The following ATL2 variants were observed in gnomAD, a reference collection of about 807,000 sequenced individuals.
ATL2 encodes atlastin GTPase 2.
A neutral mutation model predicts 73.9 loss-of-function variants in ATL2; 31 were observed. The ratio of observed to expected loss-of-function variants is 0.42; its 90% CI spans 0.32 to 0.57. ATL2 has a LOEUF of 0.57. Ranked by LOEUF, ATL2 falls within the 20% of genes least tolerant of loss-of-function variation. The pLI, the probability that ATL2 is intolerant of heterozygous loss-of-function variation, is 0.14. For missense variants in ATL2, 738 were observed against 702.6 expected (o/e 1.05, Z -0.57); for synonymous variants, 291 against 237.5 (o/e 1.23, Z -2.07).
intron 4 of ATL2, 73 bp from the exon 5 acceptor site, chr2:38,315,407 T>C (rs1324849594): frequency 1.4e-6 from 2 of 1,435,982 alleles, no homozygotes; most frequent in Non-Finnish European, 9.2e-7. Context: ...ATAACTTTAC[T>C]TGTGGAAAAA....
At chr2:38,359,178 G>A (rs1452404485) in intron 1 of ATL2, among the ~76,000 whole-genome samples, 1 of 152,160 alleles carries the variant, frequency 6.6e-6, no homozygotes, top group East Asian at 1.9e-4. Flanking sequence ...TTTTAAAAAT[G>A]CTTTAAAGAG....
intron 1 of ATL2, among the ~76,000 whole-genome samples, chr2:38,356,566 T>C (rs912221601): frequency 6.6e-6 from 1 of 152,202 alleles, no homozygotes; most frequent in Non-Finnish European, 1.5e-5. Context: ...ACTTAGACAC[T>C]AAATGCTTAT....
chr2:38,377,320 C>A (rs1361377763), upstream of ATL2: 1 of 1,442,408 alleles, frequency 6.9e-7, no homozygotes, highest in South Asian at 1.3e-5. Context: ...GCTTTATCAA[C>A]CTCCCGGGAG....
At chr2:38,310,536 G>A in intron 7 of ATL2, 89 bp from the exon 8 acceptor site, 1 of 1,147,820 alleles carries the variant, frequency 8.7e-7, no homozygotes, top group Non-Finnish European at 1.2e-6. Context: ...TGCACACTAT[G>A]CACACTTAAC....
intron 2 of ATL2, among the ~76,000 whole-genome samples, chr2:38,339,172 C>T (rs897170394): frequency 6.6e-6 from 1 of 152,044 alleles, no homozygotes; most frequent in Non-Finnish European, 1.5e-5. Context: ...GCCGAGACTG[C>T]GCTACTGCAC....
chr2:38,375,625 C>T (rs1450138099), intron 1 of ATL2, among the ~76,000 whole-genome samples: 3 of 151,980 alleles, frequency 2.0e-5, no homozygotes, highest in African/African-American at 7.2e-5. Flanking sequence ...AAACTCTTAC[C>T]TCAAAAAAAG....
At chr2:38,306,450 A>C (rs1421929261) in intron 9 of ATL2, among the ~76,000 whole-genome samples, 1 of 152,252 alleles carries the variant, frequency 6.6e-6, no homozygotes, top group African/African-American at 2.4e-5. Flanking sequence ...ATTACAGGCC[A>C]ATATCCCTGA....
chr2:38,325,661 TACACACACACACACACAC>T lies in ATL2; in HGVS notation c.364-6660_364-6643del, dbSNP rs562138786. Reference sequence around the variant, plus strand: ...ACACACACACACACACACACACCAGTACACACACACACACACACACACACACACACACACCAGTACACA... The same window carrying T: ...ACACACACACACACACACACACCAGTACACACACACACACACCAGTACACA... On this transcript the variant is annotated intron_variant, in intron 2 of 12. Transcript: ENST00000378954. Among the ~76,000 whole-genome samples, 11 of 41,696 alleles carry T rather than the reference TACACACACACACACACAC, an allele frequency of 2.6e-4. No individual in the cohort carries two copies. The East Asian group carries it at 5.7e-3, about 22-fold the overall frequency. The allele number at this position is 41,696 out of a possible 152,430, so 27.4% of individuals were successfully genotyped here. A position where few individuals can be genotyped will look rare whatever the true frequency, so the allele number is the denominator to read the frequency against.
rs562213942 is a variant in ATL2, at chr2:38,365,043, CA to C, written c.118+12099del. ...TGGGGTACAGAGCGAGACTCCGTCT[CA>C]AAAAAAAAAAAAAATTACTTTAAGA... On this transcript the variant is annotated intron_variant, in intron 1 of 12. Transcript: ENST00000378954. Among the ~76,000 whole-genome samples, 973 of 112,842 alleles carry C rather than the reference CA, an allele frequency of 8.6e-3. 16 individuals carry two copies. Among genetic ancestry groups the C allele is most frequent in the African/African-American group, 0.021 (729 of 34,908 alleles). 74.0% of individuals were successfully genotyped at this position (112,842 alleles called of 152,430 possible).
intron 2 of ATL2, among the ~76,000 whole-genome samples, chr2:38,326,796 T>C (rs368163223): frequency 2.0e-5 from 3 of 151,992 alleles, no homozygotes; most frequent in Admixed American, 6.6e-5. Flanking sequence ...GAGACCAGCC[T>C]GGTCAATACG....
intron 2 of ATL2, among the ~76,000 whole-genome samples, chr2:38,338,319 G>A (rs1304346684): frequency 7.2e-6 from 1 of 139,304 alleles, no homozygotes; most frequent in African/African-American, 3.1e-5. Context: ...GGAGAGGGAG[G>A]AAGAGGGCAA....
intron 2 of ATL2, among the ~76,000 whole-genome samples, chr2:38,325,994 G>C (rs1668640963): frequency 6.6e-6 from 1 of 151,584 alleles, no homozygotes; most frequent in Non-Finnish European, 1.5e-5. Flanking sequence ...AGTGGTGTCT[G>C]CCTGTAATCT....
intron 11 of ATL2, 66 bp downstream of exon 11, chr2:38,299,190 A>T (rs1005757362): frequency 1.5e-6 from 2 of 1,353,786 alleles, no homozygotes; most frequent in East Asian, 3.0e-5. Context: ...AAATTTTTTT[A>T]ATTTTTTTTT....
In ATL2 at chr2:38,309,501, C is replaced by T; in HGVS notation, c.949G>A (p.Asp317Asn). The T allele has an allele frequency of 6.2e-7, 1 of 1,608,990 alleles. No individual in the cohort carries two copies. The highest frequency in any genetic ancestry group is 8.5e-7 in the Non-Finnish European group (1 of 1,179,002). The change falls in exon 9 of 13, where the codon GAT becomes AAT. Residue 317 changes from aspartate (D) to asparagine (N), a missense_variant. Transcript: ENST00000378954. ...CGAAGCTCTCGTTTAAAGTCTTCAT[C>T]AATATCTAGAAAACAAAAAATTGAG... ...PSFDGRLKDI[D>N]EDFKRELRNL...
chr2:38,311,747 T>C (rs546863457), intron 7 of ATL2, among the ~76,000 whole-genome samples: 1 of 152,356 alleles, frequency 6.6e-6, no homozygotes, highest in South Asian at 2.1e-4. Context: ...TGTTCATTTT[T>C]TATAAATTCA....
At chr2:38,317,141 A>G (rs1668066239) in intron 4 of ATL2, among the ~76,000 whole-genome samples, 1 of 152,158 alleles carries the variant, frequency 6.6e-6, no homozygotes, top group African/African-American at 2.4e-5. Context: ...TGTTCCAGAC[A>G]TTACTGGAAA....
intron 2 of ATL2, among the ~76,000 whole-genome samples, chr2:38,328,744 T>C (rs1294167441): frequency 6.6e-6 from 1 of 152,080 alleles, no homozygotes; most frequent in Non-Finnish European, 1.5e-5. Flanking sequence ...CTAAAACCAA[T>C]ACTCTAAGCT....
Position 38,300,784 on chromosome 2 carries a change from GA to G in ATL2, c.1072-457del, listed in dbSNP as rs575911336. ...TCCTGCCTCAGTTTTCCAAGTGGCT[GA>G]AACTACAAGGTGTGTGCCACCACAT... On this transcript the variant is annotated intron_variant, in intron 9 of 12. Transcript: ENST00000378954. 1.7e-3 allele frequency among the ~76,000 whole-genome samples: 260 copies of G among 151,232 alleles called. 3 individuals carry two copies. The highest frequency in any genetic ancestry group is 6.2e-3 in the African/African-American group (253 of 41,094).
chr2:38,349,783 T>C (rs1670237809), intron 1 of ATL2, among the ~76,000 whole-genome samples: 1 of 152,194 alleles, frequency 6.6e-6, no homozygotes, highest in African/African-American at 2.4e-5. Context: ...CCAAGTTTAT[T>C]AGCACAGACA....
Sources: allele counts gnomAD v4.1 joint callset (sites outside exome capture counted in the v4.1 genomes callset), GRCh38; gene constraint gnomAD v4.1.1; transcripts MANE v1.5; gene names NCBI Gene and HGNC (gene_info 2026-07-23, HGNC 2026-07-21).